Variants in NUMB observed in about 807,000 individuals in gnomAD.
NUMB encodes the protein NUMB endocytic adaptor protein.
Under a neutral mutation model 59.7 loss-of-function variants are expected in NUMB, and 29 were observed. The ratio of observed to expected loss-of-function variants is 0.49; its 90% CI spans 0.36 to 0.66. The LOEUF is 0.66. Ranked by LOEUF, NUMB falls within the 30% of genes least tolerant of loss-of-function variation. The pLI, the probability that NUMB is intolerant of heterozygous loss-of-function variation, is 0.00. For missense variants in NUMB, 723 were observed against 822.0 expected, an observed-to-expected ratio of 0.88 and a Z score of 1.47; for synonymous variants, 288 against 288.2, an observed-to-expected ratio of 1.00 and a Z score of 0.01.
chr14:73,358,936 G>GT (rs1325201776), intron 3 of NUMB, among the ~76,000 whole-genome samples: 1 of 152,148 alleles, frequency 6.6e-6, no homozygotes, highest in Non-Finnish European at 1.5e-5. Flanking sequence ...GACTGACAGT[G>GT]TAATAGTCCA....
In NUMB at chr14:73,275,806, G is replaced by A. The variant is rs149960397; in HGVS notation, c.*772C>T. On this transcript the variant is annotated 3_prime_UTR_variant, in exon 13 of 13. Coordinates refer to ENST00000555238, the MANE Select transcript of NUMB (RefSeq NM_001005743.2). ...TGAATGACTGACAGAAAACAAGCTA[G>A]GGATCCTGTCTGCAGCTTCCAGCCT... 3.3e-5 allele frequency: 5 copies of A among 152,680 alleles called. No individual in the cohort carries two copies. The highest frequency in any genetic ancestry group is 3.4e-3 in the Middle Eastern group (1 of 294). The allele number at this position is 152,680 out of a possible 1,614,324, so 9.5% of individuals were successfully genotyped here.
chr14:73,352,431 TATACACACACACACACACACACACAC>T (rs1566755749), intron 4 of NUMB, among the ~76,000 whole-genome samples: 7 of 38,100 alleles, frequency 1.8e-4, no homozygotes, highest in Admixed American at 7.0e-4. Flanking sequence ...ATAATATATA[TATACACACACACACACACACACACAC>T]ATACACACAC....
At chr14:73,401,896 G>A (rs1367603816) in intron 2 of NUMB, among the ~76,000 whole-genome samples, 4 of 141,504 alleles carry the variant, frequency 2.8e-5, no homozygotes, top group African/African-American at 5.5e-5. Flanking sequence ...CAGGGTCTCT[G>A]TCACCCAGGC....
chr14:73,296,221 T>A (rs1297062050), intron 7 of NUMB, among the ~76,000 whole-genome samples: 1 of 152,078 alleles, frequency 6.6e-6, no homozygotes, highest in South Asian at 2.1e-4. Flanking sequence ...GGCGGGTGGA[T>A]CACTTGAGGT....
At chr14:73,455,605 T>C (rs1471103860) in intron 1 of NUMB, among the ~76,000 whole-genome samples, 3 of 152,228 alleles carry the variant, frequency 2.0e-5, no homozygotes, top group Non-Finnish European at 2.9e-5. Context: ...CCACTATTTC[T>C]TTTCTCTACA....
chr14:73,288,007 G>A (rs958941883), intron 8 of NUMB, among the ~76,000 whole-genome samples: 8 of 152,182 alleles, frequency 5.3e-5, no homozygotes, highest in Non-Finnish European at 7.3e-5. Context: ...CCACTTCTAA[G>A]AAACTACTGG....
At chr14:73,280,323 G>C (rs927260866) in intron 11 of NUMB, among the ~76,000 whole-genome samples, 1 of 151,882 alleles carries the variant, frequency 6.6e-6, no homozygotes, top group African/African-American at 2.4e-5. Flanking sequence ...ATGAGAAATC[G>C]AAGTTGGTAT....
intron 2 of NUMB, among the ~76,000 whole-genome samples, chr14:73,406,100 T>TG: frequency 6.6e-6 from 1 of 151,622 alleles, no homozygotes; most frequent in East Asian, 1.9e-4. Context: ...TTGTTTTTTT[T>TG]TTTTTTTATT....
At chr14:73,357,823 A>G (rs1231350942) in intron 3 of NUMB, among the ~76,000 whole-genome samples, 1 of 151,814 alleles carries the variant, frequency 6.6e-6, no homozygotes, top group Non-Finnish European at 1.5e-5. Flanking sequence ...AAATACAAGT[A>G]TAAGAAAATG....
intron 2 of NUMB, among the ~76,000 whole-genome samples, chr14:73,395,953 T>G (rs1450392699): frequency 6.6e-6 from 1 of 152,274 alleles, no homozygotes; most frequent in Non-Finnish European, 1.5e-5. Context: ...CTGTTTCTTC[T>G]ATATATGGAA....
chr14:73,432,835 T>C (rs760665027), intron 1 of NUMB, among the ~76,000 whole-genome samples: 1 of 152,128 alleles, frequency 6.6e-6, no homozygotes, highest in African/African-American at 2.4e-5. Context: ...TCCTGGAAGA[T>C]TAATCTTATC....
At chr14:73,328,128 G>A (rs914574239) in intron 4 of NUMB, among the ~76,000 whole-genome samples, 4 of 152,028 alleles carry the variant, frequency 2.6e-5, no homozygotes, top group African/African-American at 9.7e-5. Flanking sequence ...TACAAAAAGT[G>A]GCTGGGTGTG....
intron 8 of NUMB, among the ~76,000 whole-genome samples, chr14:73,291,336 C>T (rs1889385433): frequency 6.6e-6 from 1 of 151,960 alleles, no homozygotes; most frequent in South Asian, 2.1e-4. Flanking sequence ...CCACCTCAAC[C>T]TCCCAAAGTG....
At chr14:73,437,598 A>C (rs937316086) in intron 1 of NUMB, among the ~76,000 whole-genome samples, 5 of 152,274 alleles carry the variant, frequency 3.3e-5, no homozygotes, top group Non-Finnish European at 7.3e-5. Context: ...AGCAATAAAA[A>C]AGAATGTATT....
At chr14:73,453,460 A>G (rs531785129) in intron 1 of NUMB, among the ~76,000 whole-genome samples, 15 of 152,042 alleles carry the variant, frequency 9.9e-5, no homozygotes, top group Admixed American at 5.9e-4. Flanking sequence ...AATCTCCAAA[A>G]TATATGGCAA....
chr14:73,379,657 A>G (rs1437214330), intron 2 of NUMB, among the ~76,000 whole-genome samples: 1 of 152,222 alleles, frequency 6.6e-6, no homozygotes, highest in African/African-American at 2.4e-5. Flanking sequence ...TTGAGTAGTA[A>G]GAGGGCAAGC....
chr14:73,328,041 G>C (rs970938455), intron 4 of NUMB, among the ~76,000 whole-genome samples: 1 of 152,180 alleles, frequency 6.6e-6, no homozygotes, highest in Non-Finnish European at 1.5e-5. Flanking sequence ...TTGGGAGGTG[G>C]AGGCAAGTGG....
chr14:73,342,600 T>C (rs2139980853), intron 4 of NUMB, among the ~76,000 whole-genome samples: 1 of 152,340 alleles, frequency 6.6e-6, no homozygotes, highest in East Asian at 1.9e-4. Context: ...AGAGAAGATA[T>C]TTAATTTCTA....
chr14:73,407,272 C>CA (rs1374521240), intron 2 of NUMB, among the ~76,000 whole-genome samples: 1 of 152,008 alleles, frequency 6.6e-6, no homozygotes, highest in African/African-American at 2.4e-5. Context: ...GGCAATACAG[C>CA]AAAACCCCAT....
Sources: gnomAD v4.1 joint callset for allele counts (sites outside exome capture counted in the v4.1 genomes callset) on GRCh38, gnomAD v4.1.1 for gene constraint, MANE v1.5 for transcripts, NCBI Gene and HGNC (gene_info 2026-07-23, HGNC 2026-07-21) for gene names.